SCUBE1: variants seen among roughly 807,000 people sequenced by gnomAD.
SCUBE1 encodes signal peptide, CUB domain and EGF like domain containing 1, also known as signal peptide, CUB and EGF-like domain-containing protein 1.
A neutral mutation model predicts 124.4 loss-of-function variants in SCUBE1; 59 were observed. The ratio of observed to expected loss-of-function variants is 0.47; its 90% CI spans 0.38 to 0.59. The LOEUF (loss-of-function observed/expected upper bound fraction) is 0.59. SCUBE1 is among the 20% of genes least tolerant of loss of function. SCUBE1 has a pLI of 0.00. For missense variants in SCUBE1, 1,150 were observed against 1,371.2 expected (o/e 0.84, Z 2.55); for synonymous variants, 545 against 550.9 (o/e 0.99, Z 0.15).
In SCUBE1 at chr22:43,255,345, A is replaced by G; in HGVS notation, c.727+2874T>C. 1 of 740,524 alleles carries G rather than the reference A, an allele frequency of 1.4e-6. No individual in the cohort carries two copies. The highest frequency in any genetic ancestry group is 2.7e-5 in the East Asian group (1 of 37,122). 45.9% of individuals were successfully genotyped at this position (740,524 alleles called of 1,614,324 possible). On this transcript the variant is annotated intron_variant, in intron 6 of 21. Coordinates refer to ENST00000360835, the MANE Select transcript of SCUBE1 (RefSeq NM_173050.5). This position sits in a 1 kb window ranked among gnomAD's most constrained non-coding sequence, Gnocchi z 4.7. ...CACGTGGGCACACCCCACAACACAG[A>G]CATATGCCCCCACACGCACACGTCA...
intron 2 of SCUBE1, among the ~76,000 whole-genome samples, chr22:43,328,088 GGT>G (rs1926785767): frequency 6.6e-6 from 1 of 152,130 alleles, no homozygotes; most frequent in South Asian, 2.1e-4. Flanking sequence ...GTCACAGTGG[GGT>G]GTGTTGCTCC....
intron 2 of SCUBE1, among the ~76,000 whole-genome samples, chr22:43,334,918 G>T (rs765141217): frequency 1.3e-5 from 2 of 152,150 alleles, no homozygotes; most frequent in African/African-American, 2.4e-5. Flanking sequence ...GGCTACACGG[G>T]CAGGATTTGA....
chr22:43,320,308 G>A (rs1420235988), intron 2 of SCUBE1, among the ~76,000 whole-genome samples: 1 of 152,104 alleles, frequency 6.6e-6, no homozygotes, highest in East Asian at 1.9e-4. Context: ...CGGAGCCAGT[G>A]TACAATTTCT....
chr22:43,241,386 G>A (rs910216379), intron 6 of SCUBE1, among the ~76,000 whole-genome samples: 6 of 152,088 alleles, frequency 3.9e-5, no homozygotes, highest in Non-Finnish European at 7.4e-5. Flanking sequence ...CTTCCCTGAA[G>A]AGGATCCGGT....
At chr22:43,245,441 G>T (rs1923170796) in intron 6 of SCUBE1, among the ~76,000 whole-genome samples, 1 of 152,252 alleles carries the variant, frequency 6.6e-6, no homozygotes, top group African/African-American at 2.4e-5. Context: ...AGTGCATGCA[G>T]GTGGTGGCGC....
chr22:43,220,563 G>A lies in SCUBE1; in HGVS notation c.1574C>T (p.Thr525Ile). The change falls in exon 14 of 22, where the codon ACC becomes ATC. Residue 525 changes from threonine (T) to isoleucine (I), a missense_variant. Thr to Ile is a moderately conservative substitution (Grantham distance 89). This residue lies in a region of SCUBE1 where 757 missense variants were observed against 840.9 expected (regional missense o/e 0.90). Coordinates refer to ENST00000360835, the MANE Select transcript of SCUBE1 (RefSeq NM_173050.5). ...LLDHCHVTFV[T>I]LKCDSSKKRR... ...CTTCTTGGAGGAGTCACACTTGAGG[G>A]TCACGAAAGTCACATGGCAGTGGTC... is the stretch of plus-strand genomic sequence containing the variant. 6.2e-7 allele frequency: 1 copy of A among 1,613,976 alleles called. No individual in the cohort carries two copies. Among genetic ancestry groups the A allele is most frequent in the South Asian group, 1.1e-5 (1 of 91,080 alleles).
chr22:43,209,895 C>T (rs1921466344), intron 19 of SCUBE1, 148 bp downstream of exon 19: 1 of 783,102 alleles, frequency 1.3e-6, no homozygotes, highest in Non-Finnish European at 1.9e-6. Flanking sequence ...CCCTGCCTCC[C>T]AGGTGGACTC....
chr22:43,238,406 A>G (rs1922856280), intron 7 of SCUBE1: 1 of 425,706 alleles, frequency 2.3e-6, no homozygotes, highest in African/African-American at 2.0e-5. Context: ...CCAACACCAG[A>G]CTGTCCCCAT....
Position 43,343,358 on chromosome 22 carries a change from G to T in SCUBE1, c.-97C>A, listed in dbSNP as rs1334084022. The T allele has an allele frequency of 7.7e-6, 4 of 518,838 alleles. No individual in the cohort carries two copies. The highest frequency in any genetic ancestry group is 4.2e-5 in the African/African-American group (2 of 48,086). The allele number at this position is 518,838 out of a possible 1,614,324, so 32.1% of individuals were successfully genotyped here. A position where few individuals can be genotyped will look rare whatever the true frequency, so the allele number is the denominator to read the frequency against. ...GGCGCTGCTCGCTGCTCGCCGCTCC[G>T]CCACCGCTCGGGCTCCCGAGCCGCC... is the stretch of plus-strand genomic sequence containing the variant. On this transcript the variant is annotated 5_prime_UTR_variant, in exon 1 of 22. Coordinates refer to ENST00000360835, the MANE Select transcript of SCUBE1 (RefSeq NM_173050.5).
chr22:43,305,471 A>T (rs2146768331), intron 3 of SCUBE1, among the ~76,000 whole-genome samples: 1 of 152,094 alleles, frequency 6.6e-6, no homozygotes, highest in African/African-American at 2.4e-5. Flanking sequence ...GCTCAGGCGG[A>T]AGAGCTGGGG....
chr22:43,262,671 T>C (rs1331668346), intron 5 of SCUBE1, 49 bp downstream of exon 5: 1 of 1,603,758 alleles, frequency 6.2e-7, no homozygotes, highest in Non-Finnish European at 8.5e-7. Flanking sequence ...CAGAAAGTAA[T>C]GGCAGGAGAC....
At chr22:43,214,046 C>CGGGGGGGGGGGGGGGGCG in intron 16 of SCUBE1, 44 bp downstream of exon 16, 1 of 422,702 alleles carries the variant, frequency 2.4e-6, no homozygotes, top group South Asian at 2.4e-5. Context: ...GAGGAGCCCC[C>CGGGGGGGGGGGGGGGGCG]GCCCACCCCC....
intron 16 of SCUBE1, 47 bp downstream of exon 16, chr22:43,214,043 C>CCCCCCCCCCCCCCCCCCCCCCCCCCA: frequency 2.2e-6 from 1 of 455,668 alleles, no homozygotes; most frequent in East Asian, 5.3e-5. Flanking sequence ...CAGGAGGAGC[C>CCCCCCCCCCCCCCCCCCCCCCCCCCA]CCCGCCCACC....
At chr22:43,212,664 C>T (rs1921620484) in intron 16 of SCUBE1, 72 bp from the exon 17 acceptor site, 2 of 1,490,346 alleles carry the variant, frequency 1.3e-6, no homozygotes, top group South Asian at 1.2e-5. Context: ...TGGTCTCAGG[C>T]CCCGCTCTTG....
intron 3 of SCUBE1, among the ~76,000 whole-genome samples, chr22:43,301,432 G>A (rs1925768278): frequency 6.6e-6 from 1 of 152,154 alleles, no homozygotes; most frequent in Non-Finnish European, 1.5e-5. Flanking sequence ...CCAGGCTGCT[G>A]TGTCCTGCTC....
At position 43,198,001 on chromosome 22, in the gene SCUBE1, C is replaced by T. The variant is rs1321371843; in HGVS notation, c.*5996G>A. 3 of 153,712 alleles carry T rather than the reference C, an allele frequency of 2.0e-5. No individual in the cohort carries two copies. Among genetic ancestry groups the T allele is most frequent in the African/African-American group, 7.2e-5 (3 of 41,466 alleles). The allele number at this position is 153,712 out of a possible 1,614,324, so 9.5% of individuals were successfully genotyped here. ...CAACGTTTTAGAGACATTTCCTACC[C>T]TTGGATTAGATGGGCTTGAGTTTGA... On this transcript the variant is annotated 3_prime_UTR_variant, in exon 22 of 22. Coordinates refer to ENST00000360835, the MANE Select transcript of SCUBE1 (RefSeq NM_173050.5).
At chr22:43,286,829 A>G (rs1473570168) in intron 4 of SCUBE1, among the ~76,000 whole-genome samples, 2 of 152,268 alleles carry the variant, frequency 1.3e-5, no homozygotes, top group African/African-American at 4.8e-5. Flanking sequence ...GCATTCACGT[A>G]GCTAGTAAGA....
intron 12 of SCUBE1, among the ~76,000 whole-genome samples, chr22:43,222,253 C>T (rs976265207): frequency 7.2e-5 from 11 of 152,210 alleles, no homozygotes; most frequent in African/African-American, 1.4e-4. Flanking sequence ...TGCTGCACCT[C>T]GGCGCTTCTT....
At chr22:43,241,009 T>C (rs975387002) in intron 6 of SCUBE1, among the ~76,000 whole-genome samples, 3 of 152,106 alleles carry the variant, frequency 2.0e-5, no homozygotes, top group Admixed American at 2.0e-4. Flanking sequence ...GCACCGGGTC[T>C]CTGCGGAGGG....
Sources: gnomAD v4.1 joint callset for allele counts (sites outside exome capture counted in the v4.1 genomes callset) on GRCh38, gnomAD v4.1.1 for gene constraint, gnomAD v4.1.1 regional missense constraint, Gnocchi (gnomAD v3.1) non-coding constraint, MANE v1.5 for transcripts, NCBI Gene and HGNC (gene_info 2026-07-23, HGNC 2026-07-21) for gene names.